ZNF143: variants seen among roughly 807,000 people sequenced by gnomAD.
ZNF143 encodes the protein zinc finger protein 143, also known as SPH-binding factor.
A neutral mutation model predicts 74.1 loss-of-function variants in ZNF143; 49 were observed. The ratio of observed to expected loss-of-function variants is 0.66; its 90% CI spans 0.53 to 0.84. The LOEUF is 0.84. ZNF143 is among the 40% of genes least tolerant of loss of function. The probability of loss-of-function intolerance (pLI) is 0.00; values close to 1 mark genes in which losing one functional copy is unlikely to be tolerated. For missense variants in ZNF143, 637 were observed against 793.4 expected, an observed-to-expected ratio of 0.80 and a Z score of 2.37; for synonymous variants, 304 against 282.8, an observed-to-expected ratio of 1.07 and a Z score of -0.75.
chr11:9,461,169 C>A (rs932965607), intron 1 of ZNF143, 93 bp downstream of exon 1: 5 of 791,752 alleles, frequency 6.3e-6, no homozygotes, highest in African/African-American at 5.6e-5. Context: ...TGGGCCCGGG[C>A]TCCGGCTCCC....
intron 4 of ZNF143, among the ~76,000 whole-genome samples, chr11:9,474,330 T>G (rs1590513776): frequency 6.6e-6 from 1 of 152,264 alleles, no homozygotes; most frequent in Non-Finnish European, 1.5e-5. Flanking sequence ...TCAACTCTCT[T>G]TAATACTGGT....
At chr11:9,519,828 A>G (rs1848848505) in intron 14 of ZNF143, among the ~76,000 whole-genome samples, 1 of 152,132 alleles carries the variant, frequency 6.6e-6, no homozygotes, top group Admixed American at 6.6e-5. Context: ...GGGCTGTCAT[A>G]CACTCCCACT....
At chr11:9,503,484 G>C (rs1848240325) in intron 11 of ZNF143, among the ~76,000 whole-genome samples, 1 of 152,148 alleles carries the variant, frequency 6.6e-6, no homozygotes, top group Non-Finnish European at 1.5e-5. Context: ...CAATGGATGA[G>C]GGTTCCAGTT....
intron 10 of ZNF143, among the ~76,000 whole-genome samples, chr11:9,500,696 A>G (rs1848127613): frequency 6.6e-6 from 1 of 152,194 alleles, no homozygotes. Context: ...TTCCTGCAAG[A>G]TATTGTAGAA....
In ZNF143 at chr11:9,526,616, AAAAT is replaced by A. The variant is rs1047844859; in HGVS notation, c.1834-908_1834-905del. Among the ~76,000 whole-genome samples, 91 of 151,908 alleles carry A rather than the reference AAAAT, an allele frequency of 6.0e-4. 1 individual carries two copies. The highest frequency in any genetic ancestry group is 3.4e-3 in the Middle Eastern group (1 of 294). Reference sequence around the variant, plus strand: ...TTTTTTTTTAGTTTTTATTTATGTAAAAATAAATAGAGATGGGGTCTCACTATGT... The same window carrying A: ...TTTTTTTTTAGTTTTTATTTATGTAAAAATAGAGATGGGGTCTCACTATGT... On this transcript the variant is annotated intron_variant, in intron 15 of 15. Transcript: ENST00000396602.
At chr11:9,475,910 ATGTGTGTGTGTGTGTGTGTGTG>A (rs61636956) in intron 5 of ZNF143, among the ~76,000 whole-genome samples, 7 of 137,288 alleles carry the variant, frequency 5.1e-5, no homozygotes, top group African/African-American at 1.7e-4. Context: ...AAAAATATAT[ATGTGTGTGTGTGTGTGTGTGTG>A]TGTGTGTGTG....
chr11:9,472,600 T>C, intron 2 of ZNF143, 77 bp from the exon 3 acceptor site: 1 of 1,289,836 alleles, frequency 7.8e-7, no homozygotes. Flanking sequence ...TTTTTTCTGA[T>C]CTTTATTTGA....
At position 9,521,561 on chromosome 11, in the gene ZNF143, G is replaced by A. The variant is rs534488037; in HGVS notation, c.1687-3679G>A. 1.3e-4 allele frequency among the ~76,000 whole-genome samples: 19 copies of A among 148,612 alleles called. No homozygotes were observed. In the South Asian group the frequency reaches 3.8e-3, roughly 30 times the overall value. ...TGCCCAGAGTTTTCTTTTTGCGGAGGTTTTTTTTTGTTTTTTTTTTGTTGT... is the reference window on the plus strand; with the variant it reads ...TGCCCAGAGTTTTCTTTTTGCGGAGATTTTTTTTTGTTTTTTTTTTGTTGT... On this transcript the variant is annotated intron_variant, in intron 14 of 15. Coordinates refer to ENST00000396602, the MANE Select transcript of ZNF143 (RefSeq NM_003442.6).
In ZNF143 at chr11:9,507,536, G is replaced by A. The variant is rs748965378; in HGVS notation, c.1148-1083G>A. Among the ~76,000 whole-genome samples, 29 of 151,950 alleles carry A rather than the reference G, an allele frequency of 1.9e-4. 1 individual carries two copies. The highest frequency in any genetic ancestry group is 4.1e-4 in the South Asian group (2 of 4,826). On this transcript the variant is annotated intron_variant, in intron 11 of 15. Transcript: ENST00000396602. ...GTTTGCAATTCTTCCCCTCACTCTC[G>A]CCACTGAGCCCAAGACTGAGGGCAT... is the stretch of plus-strand genomic sequence containing the variant.
intron 11 of ZNF143, among the ~76,000 whole-genome samples, chr11:9,504,800 G>C (rs1372022283): frequency 3.5e-5 from 4 of 115,706 alleles, no homozygotes; most frequent in Admixed American, 2.9e-4. Context: ...TCAGCCTCCT[G>C]AGTAGCTGGG....
At chr11:9,504,483 A>G (rs1343024031) in intron 11 of ZNF143, among the ~76,000 whole-genome samples, 1 of 125,600 alleles carries the variant, frequency 8.0e-6, no homozygotes, top group Non-Finnish European at 1.9e-5. Flanking sequence ...TATTTGCAGT[A>G]TAGAAGCTTT....
At chr11:9,497,578 A>T in intron 9 of ZNF143, 97 bp from the exon 10 acceptor site, 1 of 954,534 alleles carries the variant, frequency 1.0e-6, no homozygotes, top group Non-Finnish European at 1.5e-6. Context: ...CTGATATTTT[A>T]TACTTGGTAT....
At chr11:9,480,102 A>G (rs1465396453) in intron 7 of ZNF143, among the ~76,000 whole-genome samples, 1 of 152,110 alleles carries the variant, frequency 6.6e-6, no homozygotes, top group Non-Finnish European at 1.5e-5. Flanking sequence ...CCGTGGTTCA[A>G]ATGTTCACCC....
chr11:9,486,366 TATATAATATATTATATATATA>T (rs1847487451), intron 7 of ZNF143, among the ~76,000 whole-genome samples: 1 of 47,588 alleles, frequency 2.1e-5, no homozygotes, highest in East Asian at 3.6e-4. Context: ...ATATATATTA[TATATAATATATTATATATATA>T]ATATATATAA....
Position 9,510,829 on chromosome 11 carries a change from A to G in ZNF143, c.1376-1619A>G, listed in dbSNP as rs539294958. On this transcript the variant is annotated intron_variant, in intron 12 of 15. Coordinates refer to ENST00000396602, the MANE Select transcript of ZNF143 (RefSeq NM_003442.6). ...CTTCCTGGTTGACAATTATAGTAGTAATGGATTGTTGAAATTGCTGTTTAC... is the reference window on the plus strand; with the variant it reads ...CTTCCTGGTTGACAATTATAGTAGTGATGGATTGTTGAAATTGCTGTTTAC... 3.7e-4 allele frequency among the ~76,000 whole-genome samples: 56 copies of G among 152,242 alleles called. No individual in the cohort carries two copies. The East Asian group carries it at 9.1e-3, about 25-fold the overall frequency.
chr11:9,513,184 T>C (rs1032382974), intron 13 of ZNF143, among the ~76,000 whole-genome samples: 1 of 152,246 alleles, frequency 6.6e-6, no homozygotes, highest in Non-Finnish European at 1.5e-5. Flanking sequence ...AAAGACTGTC[T>C]TAATACCTGG....
At chr11:9,509,588 AAATT>A (rs1309312022) in intron 12 of ZNF143, among the ~76,000 whole-genome samples, 3 of 152,260 alleles carry the variant, frequency 2.0e-5, no homozygotes, top group Non-Finnish European at 4.4e-5. Context: ...GTAAATTTGA[AAATT>A]AAGAGAAGAC....
chr11:9,485,816 A>G lies in ZNF143; in HGVS notation c.645+6270A>G, dbSNP rs1363326506. Among the ~76,000 whole-genome samples the G allele has an allele frequency of 2.0e-5, 3 of 151,568 alleles. 1 individual carries two copies. Among genetic ancestry groups the G allele is most frequent in the African/African-American group, 7.3e-5 (3 of 40,842 alleles). On this transcript the variant is annotated intron_variant, in intron 7 of 15. Coordinates refer to ENST00000396602, the MANE Select transcript of ZNF143 (RefSeq NM_003442.6). ...GAATATAGATTATTTACATCATACA[A>G]GTTAACAAACACCAGATTGTAAGTT...
rs376417104 is a variant in ZNF143 at position 9,488,638 on chromosome 11, C to T, written c.646-6008C>T. Among the ~76,000 whole-genome samples the T allele has an allele frequency of 2.8e-4, 43 of 152,248 alleles. No individual in the cohort carries two copies. The South Asian group carries it at 8.9e-3, about 32-fold the overall frequency. On this transcript the variant is annotated intron_variant, in intron 7 of 15. Coordinates refer to ENST00000396602, the MANE Select transcript of ZNF143 (RefSeq NM_003442.6). Reference sequence around the variant, plus strand: ...ATCTTTTCATAGACTCCTGTGATAACAATTATTATATTCTATTATAATCCT... The same window carrying T: ...ATCTTTTCATAGACTCCTGTGATAATAATTATTATATTCTATTATAATCCT...
Sources: allele counts gnomAD v4.1 joint callset (sites outside exome capture counted in the v4.1 genomes callset), GRCh38; gene constraint gnomAD v4.1.1; transcripts MANE v1.5; gene names NCBI Gene and HGNC (gene_info 2026-07-23, HGNC 2026-07-21).